LDLRAD3: variants seen among roughly 807,000 people sequenced by gnomAD.
The protein encoded by LDLRAD3 is low-density lipoprotein receptor class A domain-containing protein 3.
Under a neutral mutation model 29.4 loss-of-function variants are expected in LDLRAD3, and 20 were observed. That is an observed-to-expected ratio of 0.68 (90% confidence interval 0.48 to 0.99). The LOEUF (loss-of-function observed/expected upper bound fraction) is 0.99. Among genes scored for constraint, LDLRAD3 ranks in the 50% least tolerant of loss-of-function variants. The pLI is 0.00. For missense variants in LDLRAD3, 420 were observed against 454.3 expected (o/e 0.92, Z 0.69); for synonymous variants, 157 against 192.7 (o/e 0.81, Z 1.53).
At chr11:36,217,741 A>T (rs1855371457) in intron 4 of LDLRAD3, among the ~76,000 whole-genome samples, 1 of 152,126 alleles carries the variant, frequency 6.6e-6, no homozygotes, top group South Asian at 2.1e-4. Context: ...TCCATGCCTC[A>T]TTCCTAGCTT....
chr11:36,105,478 G>T (rs1471714542), intron 4 of LDLRAD3, among the ~76,000 whole-genome samples: 3 of 152,096 alleles, frequency 2.0e-5, no homozygotes, highest in African/African-American at 7.2e-5. Flanking sequence ...GTGCCTCAGA[G>T]TGTGACCTTA....
chr11:36,065,532 T>G (rs7944660), intron 2 of LDLRAD3, among the ~76,000 whole-genome samples: 8,057 of 152,216 alleles, frequency 0.053, 689 homozygotes, highest in African/African-American at 0.18. Flanking sequence ...TTATAGAAAT[T>G]TCAGGATGCC....
chr11:36,195,405 G>C (rs960753182), intron 4 of LDLRAD3, among the ~76,000 whole-genome samples: 4 of 152,296 alleles, frequency 2.6e-5, no homozygotes, highest in African/African-American at 9.6e-5. Flanking sequence ...CCTAACCACT[G>C]TTTATAACAT....
At position 36,229,347 on chromosome 11, in the gene LDLRAD3, A is replaced by G. The variant is rs750024325; in HGVS notation, c.988A>G (p.Thr330Ala). 1 of 1,613,926 alleles carries G rather than the reference A, an allele frequency of 6.2e-7. No homozygotes were observed. Among genetic ancestry groups the G allele is most frequent in the Non-Finnish European group, 8.5e-7 (1 of 1,180,016 alleles). The change falls in exon 6 of 6, where the codon ACT becomes GCT. Residue 330 changes from threonine to alanine, a missense_variant. By Grantham distance (58) the Thr-to-Ala change is moderately conservative. Around this residue, in one of 3 missense-constraint regions of LDLRAD3, gnomAD observed 140 missense variants for 139.9 expected, o/e 1.00. Coordinates refer to ENST00000315571, the MANE Select transcript of LDLRAD3 (RefSeq NM_174902.4). ...GGGGCAGCCTGGCCCCCAGGAGGGCACTGCTGAGCCCAGGGACTCTGAGCC... is the reference window on the plus strand; with the variant it reads ...GGGGCAGCCTGGCCCCCAGGAGGGCGCTGCTGAGCCCAGGGACTCTGAGCC... ...SPGQPGPQEG[T>A]AEPRDSEPSQ...
intron 4 of LDLRAD3, among the ~76,000 whole-genome samples, chr11:36,166,717 A>G (rs563978550): frequency 2.0e-5 from 3 of 152,296 alleles, no homozygotes; most frequent in Admixed American, 2.0e-4. Flanking sequence ...ATGGTTGGAA[A>G]CATGATCTTC....
chr11:36,101,403 T>G (rs1220712463), intron 4 of LDLRAD3, among the ~76,000 whole-genome samples: 1 of 152,212 alleles, frequency 6.6e-6, no homozygotes, highest in African/African-American at 2.4e-5. Flanking sequence ...TTGTTATTAA[T>G]GCTGTGTTTT....
rs1852989655 is a variant in LDLRAD3, at chr11:36,075,798, GTTGGCCTCAGATATTTAT to G, written c.194-5852_194-5835del. Among the ~76,000 whole-genome samples the G allele has an allele frequency of 2.6e-5, 4 of 151,984 alleles. No individual in the cohort carries two copies. In the East Asian group the frequency reaches 7.7e-4, roughly 29 times the overall value. On this transcript the variant is annotated intron_variant, in intron 2 of 5. Transcript: ENST00000315571. ...GTCTCAGGTACTAGATCCTTATTTT[GTTGGCCTCAGATATTTAT>G]TTTATTCTCTGTGTCATAATCTGAT...
intron 5 of LDLRAD3, among the ~76,000 whole-genome samples, chr11:36,228,798 A>C (rs1423530854): frequency 2.0e-5 from 3 of 152,184 alleles, no homozygotes; most frequent in African/African-American, 7.2e-5. Context: ...TCAGAGGCCC[A>C]GTCAAGATAC....
chr11:36,150,018 G>A (rs59766492), intron 4 of LDLRAD3, among the ~76,000 whole-genome samples: 125 of 152,278 alleles, frequency 8.2e-4, no homozygotes, highest in African/African-American at 2.9e-3. Flanking sequence ...AGGATGAGGT[G>A]GAAGGTGGGG....
chr11:36,100,056 C>A (rs1729181968), intron 4 of LDLRAD3, among the ~76,000 whole-genome samples: 1 of 152,122 alleles, frequency 6.6e-6, no homozygotes, highest in African/African-American at 2.4e-5. Flanking sequence ...GCTAAATCAA[C>A]TGGTGTCGGT....
intron 2 of LDLRAD3, among the ~76,000 whole-genome samples, chr11:36,039,477 TG>T (rs1852353145): frequency 6.7e-6 from 1 of 148,530 alleles, no homozygotes; most frequent in Non-Finnish European, 1.5e-5. Context: ...CTCTCCAAAA[TG>T]GGGGTAATAA....
chr11:36,227,894 A>G (rs529566641), intron 5 of LDLRAD3, among the ~76,000 whole-genome samples: 1 of 152,364 alleles, frequency 6.6e-6, no homozygotes, highest in Admixed American at 6.5e-5. Context: ...AATATCTGTC[A>G]AATGAATGGA....
intron 3 of LDLRAD3, among the ~76,000 whole-genome samples, chr11:36,097,165 A>G (rs775684138): frequency 6.6e-6 from 1 of 152,222 alleles, no homozygotes; most frequent in Non-Finnish European, 1.5e-5. Flanking sequence ...TAGGAGCCTC[A>G]TGGAGGAGCT....
At chr11:36,166,804 A>G (rs1412842432) in intron 4 of LDLRAD3, among the ~76,000 whole-genome samples, 1 of 152,166 alleles carries the variant, frequency 6.6e-6, no homozygotes, top group Non-Finnish European at 1.5e-5. Context: ...CTGATTCAGT[A>G]GGTCCAGGAT....
At chr11:36,186,596 T>C (rs927505339) in intron 4 of LDLRAD3, among the ~76,000 whole-genome samples, 3 of 152,044 alleles carry the variant, frequency 2.0e-5, no homozygotes, top group Non-Finnish European at 4.4e-5. Context: ...AAACCCAAAT[T>C]AGGAGTACAA....
intron 4 of LDLRAD3, among the ~76,000 whole-genome samples, chr11:36,188,592 G>A (rs559106303): frequency 3.9e-5 from 6 of 152,066 alleles, no homozygotes; most frequent in African/African-American, 7.2e-5. Context: ...TTGAAATTTC[G>A]TTAGGAAGCT....
intron 4 of LDLRAD3, among the ~76,000 whole-genome samples, chr11:36,105,102 T>C (rs983896365): frequency 1.3e-5 from 2 of 152,142 alleles, no homozygotes; most frequent in African/African-American, 4.8e-5. Context: ...GCTTGCTGTA[T>C]CCTGGTGATA....
intron 4 of LDLRAD3, among the ~76,000 whole-genome samples, chr11:36,203,731 G>A (rs1039224350): frequency 9.2e-5 from 14 of 152,146 alleles, no homozygotes; most frequent in African/African-American, 3.1e-4. Flanking sequence ...ACGGGGTCTT[G>A]TTTTTATTTA....
At chr11:36,025,649 A>C (rs1178248165) in intron 1 of LDLRAD3, among the ~76,000 whole-genome samples, 6 of 151,830 alleles carry the variant, frequency 4.0e-5, no homozygotes, top group Non-Finnish European at 5.9e-5. Flanking sequence ...TCGGCCTCCC[A>C]AAGTGCTGGG....
Sources: gnomAD v4.1 joint callset for allele counts (sites outside exome capture counted in the v4.1 genomes callset) on GRCh38, gnomAD v4.1.1 for gene constraint, gnomAD v4.1.1 regional missense constraint, MANE v1.5 for transcripts, NCBI Gene and HGNC (gene_info 2026-07-23, HGNC 2026-07-21) for gene names.